Variants in DSCAM observed in about 807,000 individuals in gnomAD.
DSCAM encodes the protein cell adhesion molecule DSCAM.
Under a neutral mutation model 217.7 loss-of-function variants are expected in DSCAM, and 47 were observed. The observed-to-expected ratio is 0.22, with a 90% CI of 0.17 to 0.28. DSCAM has a LOEUF of 0.28. Among genes scored for constraint, DSCAM ranks in the 10% least tolerant of loss-of-function variants. DSCAM has a pLI of 1.00. For missense variants in DSCAM, 2,080 were observed against 2,618.3 expected, an observed-to-expected ratio of 0.79 and a Z score of 4.49; for synonymous variants, 1,056 against 1,015.3, an observed-to-expected ratio of 1.04 and a Z score of -0.76.
At chr21:40,141,681 G>A (rs2090292409) in intron 18 of DSCAM, among the ~76,000 whole-genome samples, 1 of 152,112 alleles carries the variant, frequency 6.6e-6, no homozygotes, top group Admixed American at 6.5e-5. Flanking sequence ...GGTGCAGGAG[G>A]GGGCTGGAAA....
chr21:40,822,135 A>G (rs1379304342), intron 1 of DSCAM, among the ~76,000 whole-genome samples: 1 of 151,872 alleles, frequency 6.6e-6, no homozygotes, highest in Non-Finnish European at 1.5e-5. Flanking sequence ...CCTGGCCAAC[A>G]TGGTGAAACC....
chr21:40,479,287 A>G (rs1290649145), intron 3 of DSCAM, among the ~76,000 whole-genome samples: 2 of 152,234 alleles, frequency 1.3e-5, no homozygotes, highest in Non-Finnish European at 2.9e-5. Flanking sequence ...TATAAAGCCC[A>G]GTGCTTCCAT....
chr21:40,402,289 TCA>T (rs1199124708), intron 3 of DSCAM, among the ~76,000 whole-genome samples: 1 of 138,412 alleles, frequency 7.2e-6, no homozygotes, highest in Non-Finnish European at 1.5e-5. Flanking sequence ...CAGGATGGTC[TCA>T]GTCTCCTGAC....
intron 16 of DSCAM, among the ~76,000 whole-genome samples, chr21:40,162,385 C>A (rs942313913): frequency 2.6e-5 from 4 of 152,324 alleles, no homozygotes; most frequent in African/African-American, 7.2e-5. Flanking sequence ...GAAGGTGCCT[C>A]CAAGACTGCC....
intron 11 of DSCAM, among the ~76,000 whole-genome samples, chr21:40,256,890 C>T (rs57881788): frequency 0.045 from 6,863 of 152,214 alleles, 407 homozygotes; most frequent in East Asian, 0.22. Context: ...CAAATAAAGA[C>T]AATAACAAGG....
chr21:40,403,459 A>G (rs956747257), intron 3 of DSCAM, among the ~76,000 whole-genome samples: 14 of 152,282 alleles, frequency 9.2e-5, no homozygotes, highest in African/African-American at 3.4e-4. Context: ...TATTTTACAA[A>G]GAATAAATTA....
At chr21:40,042,797 G>A in intron 31 of DSCAM, 124 bp from the exon 32 acceptor site, 1 of 934,770 alleles carries the variant, frequency 1.1e-6, no homozygotes, top group Middle Eastern at 3.4e-4. Context: ...TAGGAGTTCT[G>A]GCTCCTTGGC....
rs116588719 is a variant in DSCAM at position 40,635,826 on chromosome 21, C to G, written c.508+56984G>C. On this transcript the variant is annotated intron_variant, in intron 3 of 32. Coordinates refer to ENST00000400454, the MANE Select transcript of DSCAM (RefSeq NM_001389.5). Reference sequence around the variant, plus strand: ...TTTAGATAAAAATTTTGTAATCGCTCAGAACTGCACTTCCAAGTCAAAAGA... The same window carrying G: ...TTTAGATAAAAATTTTGTAATCGCTGAGAACTGCACTTCCAAGTCAAAAGA... 3.0e-3 allele frequency among the ~76,000 whole-genome samples: 463 copies of G among 152,214 alleles called. 4 individuals carry two copies. The highest frequency in any genetic ancestry group is 0.01 in the African/African-American group (421 of 41,526).
intron 16 of DSCAM, among the ~76,000 whole-genome samples, chr21:40,155,076 C>A (rs1028709293): frequency 4.6e-5 from 7 of 152,254 alleles, no homozygotes; most frequent in Non-Finnish European, 1.0e-4. Flanking sequence ...ATCCAGCCAA[C>A]AAACACCTGT....
chr21:40,737,998 G>C (rs1344527084), intron 1 of DSCAM, among the ~76,000 whole-genome samples: 1 of 152,156 alleles, frequency 6.6e-6, no homozygotes, highest in Non-Finnish European at 1.5e-5. Context: ...CATTTCAGGG[G>C]AGTGATAGCC....
At chr21:40,689,422 A>G (rs1191117399) in intron 3 of DSCAM, among the ~76,000 whole-genome samples, 1 of 152,222 alleles carries the variant, frequency 6.6e-6, no homozygotes, top group African/African-American at 2.4e-5. Context: ...CTTCGCCCTG[A>G]GCCCAGTGGG....
intron 3 of DSCAM, among the ~76,000 whole-genome samples, chr21:40,653,750 T>C (rs1331591691): frequency 6.6e-6 from 1 of 152,154 alleles, no homozygotes; most frequent in Non-Finnish European, 1.5e-5. Flanking sequence ...CAAATTAAGT[T>C]GAACTATACA....
intron 8 of DSCAM, among the ~76,000 whole-genome samples, chr21:40,336,793 GAAGGA>G (rs1340970327): frequency 6.6e-6 from 1 of 152,210 alleles, no homozygotes; most frequent in Admixed American, 6.5e-5. Flanking sequence ...GAGAGTCAAT[GAAGGA>G]AAGGACCTTG....
chr21:40,551,576 T>C (rs2076630335), intron 3 of DSCAM, among the ~76,000 whole-genome samples: 1 of 152,156 alleles, frequency 6.6e-6, no homozygotes, highest in Admixed American at 6.5e-5. Flanking sequence ...AAAGATCTAG[T>C]TATGTTAATA....
intron 1 of DSCAM, among the ~76,000 whole-genome samples, chr21:40,808,358 C>G (rs188742818): frequency 2.6e-5 from 4 of 152,032 alleles, no homozygotes; most frequent in African/African-American, 9.6e-5. Context: ...GCAAGTAGAA[C>G]AGAGAAGTGA....
At chr21:40,168,017 C>A (rs868217182) in intron 15 of DSCAM, among the ~76,000 whole-genome samples, 1 of 152,104 alleles carries the variant, frequency 6.6e-6, no homozygotes, top group African/African-American at 2.4e-5. Context: ...GCCGAGATTG[C>A]GCCACTGCAC....
chr21:40,632,916 A>G (rs1222938652), intron 3 of DSCAM, among the ~76,000 whole-genome samples: 2 of 152,160 alleles, frequency 1.3e-5, no homozygotes, highest in Non-Finnish European at 2.9e-5. Flanking sequence ...TTAAGCACCA[A>G]CACTCAATCA....
At chr21:40,553,652 G>A (rs1039518458) in intron 3 of DSCAM, among the ~76,000 whole-genome samples, 14 of 152,050 alleles carry the variant, frequency 9.2e-5, no homozygotes, top group Admixed American at 7.2e-4. Context: ...ATATCTAAAT[G>A]CTTCTCACTC....
chr21:40,616,557 C>T (rs773463412), intron 3 of DSCAM, among the ~76,000 whole-genome samples: 1 of 152,108 alleles, frequency 6.6e-6, no homozygotes, highest in East Asian at 1.9e-4. Flanking sequence ...GTGTGTCTTG[C>T]GCAAATCCAC....
Sources: allele counts gnomAD v4.1 joint callset (sites outside exome capture counted in the v4.1 genomes callset), GRCh38; gene constraint gnomAD v4.1.1; transcripts MANE v1.5; gene names NCBI Gene and HGNC (gene_info 2026-07-23, HGNC 2026-07-21).